The following VARS2 variants were observed in gnomAD, a reference collection of about 807,000 sequenced individuals.
VARS2 encodes the protein valyl-tRNA synthetase 2, mitochondrial, also known as valine--tRNA ligase, mitochondrial.
In VARS2, 105 loss-of-function variants were observed where a neutral mutation model predicts 154.1. The observed-to-expected ratio is 0.68, with a 90% confidence interval of 0.58 to 0.80. The LOEUF is 0.80. Among genes scored for constraint, VARS2 ranks in the 30% least tolerant of loss-of-function variants. The probability of loss-of-function intolerance (pLI) is 0.00; values close to 1 mark genes in which losing one functional copy is unlikely to be tolerated. For missense variants in VARS2, 1,157 were observed against 1,361.4 expected, an observed-to-expected ratio of 0.85 and a Z score of 2.36; for synonymous variants, 483 against 539.5, an observed-to-expected ratio of 0.90 and a Z score of 1.45.
chr6:30,923,379 C>T lies in VARS2; in HGVS notation c.2340C>T (p.Ala780=), dbSNP rs1164927471. The change falls in exon 25 of 30, where the codon GCC becomes GCT. Residue 780 remains alanine, a synonymous_variant. Coordinates refer to ENST00000676266, the MANE Select transcript of VARS2 (RefSeq NM_020442.6). ...EELSPSSPMD[A]WILSRLALAA... ...TGTCTCCCTCCTCCCCGATGGATGC[C>T]TGGATCCTGAGCCGCCTTGCCCTGG... 5 of 1,611,668 alleles carry T rather than the reference C, an allele frequency of 3.1e-6. No individual in the cohort carries two copies. In the African/African-American group the frequency reaches 6.7e-5, roughly 22 times the overall value.
Position 30,925,947 on chromosome 6 carries a change from T to C in VARS2, c.3029T>C (p.Leu1010Pro). 6.2e-7 allele frequency: 1 copy of C among 1,613,048 alleles called. No homozygotes were observed. Among genetic ancestry groups the C allele is most frequent in the Admixed American group, 1.7e-5 (1 of 60,032 alleles). Residue 1010 changes from leucine to proline, a missense_variant, in exon 29 of 30, where the codon CTT (leucine) becomes CCT (proline). Physicochemically the swap from Leu to Pro is moderately conservative, Grantham distance 98. Transcript: ENST00000676266. ...AARRYKLQKQ[L>P]DSLTARTPSE... ...CGAAGGTACAAGTTGCAGAAGCAGC[T>C]TGACAGCCTCACAGCCAGGACCCCA... is the stretch of plus-strand genomic sequence containing the variant.
intron 24 of VARS2, 22 bp from the exon 25 acceptor site, chr6:30,923,331 A>G (rs767574272): frequency 1.9e-6 from 3 of 1,607,686 alleles, no homozygotes; most frequent in Non-Finnish European, 2.6e-6. Context: ...GAGTCAGGCC[A>G]TCCTGCCCCC....
rs1794387954 is a variant in VARS2 at position 30,919,714 on chromosome 6, A to C, written c.1075-44A>C. ...TCACGCCCCAGCCCAGACCCTTCCA[A>C]CCCTCACAGGTGCCTGTCCTTGATC... On this transcript the variant is annotated intron_variant, in intron 11 of 29. Coordinates refer to ENST00000676266, the MANE Select transcript of VARS2 (RefSeq NM_020442.6). This position sits in a 1 kb window ranked among gnomAD's most constrained non-coding sequence, Gnocchi z 4.5. The C allele has an allele frequency of 6.8e-7, 1 of 1,479,810 alleles. No homozygotes were observed. Among genetic ancestry groups the C allele is most frequent in the Non-Finnish European group, 9.1e-7 (1 of 1,103,862 alleles). 91.7% of individuals were successfully genotyped at this position (1,479,810 alleles called of 1,614,324 possible).
Position 30,920,467 on chromosome 6 carries a change from C to A in VARS2, c.1397+31C>A, listed in dbSNP as rs911396862. The A allele has an allele frequency of 1.3e-6, 2 of 1,575,120 alleles. No individual in the cohort carries two copies. Among genetic ancestry groups the A allele is most frequent in the Admixed American group, 1.9e-5 (1 of 53,216 alleles). ...CTCATTTTAACTCCTTTACTAAGGG[C>A]TACCCCAAAAGGGAATGTATGGAGC... is the stretch of plus-strand genomic sequence containing the variant. On this transcript the variant is annotated intron_variant, in intron 14 of 29. Transcript: ENST00000676266. This position sits in a 1 kb window ranked among gnomAD's most constrained non-coding sequence, Gnocchi z 4.6.
Position 30,923,376 on chromosome 6 carries a change from T to C in VARS2, c.2337T>C (p.Asp779=), listed in dbSNP as rs1415522311. Residue 779 remains aspartate, a synonymous_variant, in exon 25 of 30, where the codon GAT becomes GAC. Coordinates refer to ENST00000676266, the MANE Select transcript of VARS2 (RefSeq NM_020442.6). The part of the protein sequence containing the change: ...AEELSPSSPM[D]AWILSRLALA... The stretch of plus-strand genomic sequence containing the variant: ...AGCTGTCTCCCTCCTCCCCGATGGA[T>C]GCCTGGATCCTGAGCCGCCTTGCCC... 4 of 1,611,434 alleles carry C rather than the reference T, an allele frequency of 2.5e-6. No individual in the cohort carries two copies. The Admixed American group carries it at 6.7e-5, about 27-fold the overall frequency.
chr6:30,922,466 T>C lies in VARS2; in HGVS notation c.1949T>C (p.Met650Thr). The change falls in exon 21 of 30, where the codon ATG becomes ACG. Residue 650 changes from methionine (M) to threonine (T), a missense_variant. Transcript: ENST00000676266. Reference sequence around the variant, plus strand: ...TGCCCCCAGGTGCTTCTTCATCCCATGGTTCGGGACAGGCAGGGCCGGAAG... The same window carrying C: ...TGCCCCCAGGTGCTTCTTCATCCCACGGTTCGGGACAGGCAGGGCCGGAAG... Reference protein sequence around the residue: ...LPFSKVLLHPMVRDRQGRKMS... With the variant: ...LPFSKVLLHPTVRDRQGRKMS... 2 of 1,603,838 alleles carry C rather than the reference T, an allele frequency of 1.2e-6. No homozygotes were observed. The highest frequency in any genetic ancestry group is 8.5e-7 in the Non-Finnish European group (1 of 1,175,968).
In VARS2 at chr6:30,919,310, T is replaced by C. The variant is rs1794360806; in HGVS notation, c.1074+395T>C. The stretch of plus-strand genomic sequence containing the variant: ...ACACCCAGCTAATTTTTTGTATTTT[T>C]ACAAAAATTAGTAATTAATTTTTTT... On this transcript the variant is annotated intron_variant, in intron 11 of 29. Coordinates refer to ENST00000676266, the MANE Select transcript of VARS2 (RefSeq NM_020442.6). The surrounding 1 kb of genome is among the most constrained non-coding windows in gnomAD (Gnocchi z 4.5). 5.5e-6 allele frequency: 1 copy of C among 181,190 alleles called. No individual in the cohort carries two copies. The highest frequency in any genetic ancestry group is 5.9e-5 in the Admixed American group (1 of 16,962). 11.2% of individuals were successfully genotyped at this position (181,190 alleles called of 1,614,324 possible).
Position 30,923,118 on chromosome 6 carries a change from C to T in VARS2, c.2200C>T (p.Leu734=), listed in dbSNP as rs1282899602. The change falls in exon 24 of 30, where the codon CTG becomes TTG. Residue 734 remains leucine (L), a synonymous_variant. Coordinates refer to ENST00000676266, the MANE Select transcript of VARS2 (RefSeq NM_020442.6). ...SHGVQAGDLH[L]SVSEVQSCRH... ...TTCCCTTCCAGCGGGCGACTTGCAC[C>T]TGTCAGTCTCTGAGGTCCAGAGCTG... 1.9e-6 allele frequency: 3 copies of T among 1,613,092 alleles called. No homozygotes were observed. The highest frequency in any genetic ancestry group is 2.5e-6 in the Non-Finnish European group (3 of 1,180,020).
Position 30,920,001 on chromosome 6 carries a change from G to T in VARS2, c.1166-88G>T, listed in dbSNP as rs754557935. 4 of 460,226 alleles carry T rather than the reference G, an allele frequency of 8.7e-6. No homozygotes were observed. Among genetic ancestry groups the T allele is most frequent in the South Asian group, 7.3e-5 (1 of 13,638 alleles). 28.5% of individuals were successfully genotyped at this position (460,226 alleles called of 1,614,324 possible). The stretch of plus-strand genomic sequence containing the variant: ...AGGCACAGACAGAGAAAGTCGCAGG[G>T]GCTGGGGCGGTGCAGGTGATGATGA... On this transcript the variant is annotated intron_variant, in intron 12 of 29. Coordinates refer to ENST00000676266, the MANE Select transcript of VARS2 (RefSeq NM_020442.6). The surrounding 1 kb of genome is among the most constrained non-coding windows in gnomAD (Gnocchi z 4.6).
chr6:30,916,093 C>T lies in VARS2; in HGVS notation c.573+46C>T, dbSNP rs769772207. 6.5e-7 allele frequency: 1 copy of T among 1,534,754 alleles called. No individual in the cohort carries two copies. Among genetic ancestry groups the T allele is most frequent in the Admixed American group, 2.0e-5 (1 of 51,266 alleles). On this transcript the variant is annotated intron_variant, in intron 6 of 29. Coordinates refer to ENST00000676266, the MANE Select transcript of VARS2 (RefSeq NM_020442.6). This position sits in a 1 kb window ranked among gnomAD's most constrained non-coding sequence, Gnocchi z 4.0. Reference sequence around the variant, plus strand: ...TCCTTTTCTTGGGCAAAAGCAATTTCTTCCCCCAAAGCAACCAAGCAACCT... The same window carrying T: ...TCCTTTTCTTGGGCAAAAGCAATTTTTTCCCCCAAAGCAACCAAGCAACCT...
chr6:30,919,858 A>G lies in VARS2; in HGVS notation c.1165+10A>G. ...CCACATGTGGGCACGGGTGAGTGGA[A>G]GTCAGGGGAGGGAGAGAAAGTTGGG... On this transcript the variant is annotated intron_variant, in intron 12 of 29. Transcript: ENST00000676266. This position sits in a 1 kb window ranked among gnomAD's most constrained non-coding sequence, Gnocchi z 4.5. The G allele has an allele frequency of 6.4e-7, 1 of 1,553,122 alleles. No individual in the cohort carries two copies. Among genetic ancestry groups the G allele is most frequent in the Non-Finnish European group, 8.7e-7 (1 of 1,145,634 alleles).
Position 30,921,687 on chromosome 6 carries a change from GA to G in VARS2, c.1732del (p.Arg578GlyfsTer6). On this transcript the variant is annotated frameshift_variant, in exon 18 of 30. Coordinates refer to ENST00000676266, the MANE Select transcript of VARS2 (RefSeq NM_020442.6). LOFTEE classifies it high-confidence loss of function. The surrounding 1 kb of genome is among the most constrained non-coding windows in gnomAD (Gnocchi z 4.6). ...GRPGAELTLE[R>X]DPDVLDTWFS... ...GGCCAGGGGCAGAGCTGACCCTGGA[GA>G]GGGGTGAGTGCCTGAGCTGGGGAGG... The G allele has an allele frequency of 6.2e-7, 1 of 1,603,166 alleles. No individual in the cohort carries two copies. The highest frequency in any genetic ancestry group is 8.5e-7 in the Non-Finnish European group (1 of 1,176,356).
At chr6:30,918,614 C>G in intron 10 of VARS2, 2 of 645,882 alleles carry the variant, frequency 3.1e-6, no homozygotes, top group Non-Finnish European at 5.1e-6. Flanking sequence ...TCTTTAGCAC[C>G]AGAGACCCTC....
Position 30,917,321 on chromosome 6 carries a change from A to T in VARS2, c.873+97A>T. The T allele has an allele frequency of 6.3e-7, 1 of 1,583,654 alleles. No individual in the cohort carries two copies. The highest frequency in any genetic ancestry group is 1.7e-5 in the Admixed American group (1 of 59,786). ...TCTGGAGCCAGGGTGCCTGGATTCA[A>T]ATCTGATGCCTGCCTGTTACAGCTG... On this transcript the variant is annotated intron_variant, in intron 9 of 29. Transcript: ENST00000676266. The surrounding 1 kb of genome is among the most constrained non-coding windows in gnomAD (Gnocchi z 4.4).
chr6:30,925,433 C>T, intron 27 of VARS2, 48 bp downstream of exon 27: 1 of 1,580,448 alleles, frequency 6.3e-7, no homozygotes, highest in Non-Finnish European at 8.6e-7. Flanking sequence ...GAAAAGGGGG[C>T]TGGTGGGGAA....
chr6:30,915,435 T>C lies in VARS2; in HGVS notation c.364T>C (p.Phe122Leu). The change falls in exon 4 of 30, where the codon TTC becomes CTC. Residue 122 changes from phenylalanine to leucine, a missense_variant. Coordinates refer to ENST00000676266, the MANE Select transcript of VARS2 (RefSeq NM_020442.6). ...AWYPWWVREGFFKPEYQARLP... is the reference protein window; with the variant it reads ...AWYPWWVREGLFKPEYQARLP... ...GTACCCGTGGTGGGTACGAGAGGGC[T>C]TCTTCAAACCAGAATATCAGGTTAG... 9 of 1,614,120 alleles carry C rather than the reference T, an allele frequency of 5.6e-6. No homozygotes were observed. The highest frequency in any genetic ancestry group is 7.6e-6 in the Non-Finnish European group (9 of 1,180,032).
intron 2 of VARS2, 52 bp from the exon 3 acceptor site, chr6:30,915,104 A>G (rs1794067367): frequency 2.5e-6 from 4 of 1,610,878 alleles, no homozygotes; most frequent in Non-Finnish European, 3.4e-6. Context: ...GACCGGCTGA[A>G]ATGCAGTCTG....
chr6:30,924,908 GCTT>G (rs1794745173), intron 26 of VARS2, among the ~76,000 whole-genome samples: 1 of 152,128 alleles, frequency 6.6e-6, no homozygotes, highest in African/African-American at 2.4e-5. Context: ...TCTCAGTGCA[GCTT>G]TAATAACTTC....
In VARS2 at chr6:30,923,399, C is replaced by T; in HGVS notation, c.2360C>T (p.Ala787Val). ...PMDAWILSRL[A>V]LAAQECERGF... ...GATGCCTGGATCCTGAGCCGCCTTG[C>T]CCTGGCTGCCCAGGAGTGTGAGCGG... Residue 787 changes from alanine to valine, a missense_variant, in exon 25 of 30, where the codon GCC (alanine) becomes GTC (valine). Ala to Val is a moderately conservative substitution (Grantham distance 64, BLOSUM62 0). Transcript: ENST00000676266. The T allele has an allele frequency of 1.2e-6, 2 of 1,612,220 alleles. No individual in the cohort carries two copies. The highest frequency in any genetic ancestry group is 1.7e-6 in the Non-Finnish European group (2 of 1,179,970).
Sources: gnomAD v4.1 joint callset for allele counts (sites outside exome capture counted in the v4.1 genomes callset) on GRCh38, gnomAD v4.1.1 for gene constraint, Gnocchi (gnomAD v3.1) non-coding constraint, MANE v1.5 for transcripts, NCBI Gene and HGNC (gene_info 2026-07-23, HGNC 2026-07-21) for gene names.